Variants in LYRM4 observed in about 807,000 individuals in gnomAD.
LYRM4 encodes the protein LYR motif-containing protein 4.
A neutral mutation model predicts 11.7 loss-of-function variants in LYRM4; 9 were observed. The observed-to-expected ratio is 0.77, with a 90% CI of 0.46 to 1.34. The LOEUF (loss-of-function observed/expected upper bound fraction) is 1.34. Among genes scored for constraint, LYRM4 ranks in the 40% most tolerant of loss-of-function variants. The pLI, the probability that LYRM4 is intolerant of heterozygous loss-of-function variation, is 0.00. For synonymous variants in LYRM4, 42 were observed against 40.4 expected, an observed-to-expected ratio of 1.04 and a Z score of -0.15; for missense variants, 133 against 112.5, an observed-to-expected ratio of 1.18 and a Z score of -0.82.
At chr6:5,251,742 T>C (rs1389143499) in intron 1 of LYRM4, among the ~76,000 whole-genome samples, 3 of 152,186 alleles carry the variant, frequency 2.0e-5, no homozygotes, top group East Asian at 1.9e-4. Context: ...AACTGTATCA[T>C]TGCATGCTAG....
At chr6:5,111,123 T>C (rs1454086971) in intron 2 of LYRM4, among the ~76,000 whole-genome samples, 1 of 152,158 alleles carries the variant, frequency 6.6e-6, no homozygotes, top group East Asian at 1.9e-4. Flanking sequence ...GAATAGTACA[T>C]GGTTTTGTTT....
At chr6:5,197,899 C>T (rs1252369316) in intron 2 of LYRM4, among the ~76,000 whole-genome samples, 6 of 151,508 alleles carry the variant, frequency 4.0e-5, no homozygotes, top group East Asian at 1.9e-4. Context: ...GCGCCGGGTG[C>T]GGTGGCTCAC....
At chr6:5,251,462 G>A (rs1764424361) in intron 1 of LYRM4, among the ~76,000 whole-genome samples, 1 of 152,202 alleles carries the variant, frequency 6.6e-6, no homozygotes, top group South Asian at 2.1e-4. Flanking sequence ...GAGGCCTCAG[G>A]AAGCTTACAA....
chr6:5,186,056 T>G (rs146714743), intron 2 of LYRM4, among the ~76,000 whole-genome samples: 127 of 152,266 alleles, frequency 8.3e-4, no homozygotes, highest in Admixed American at 1.8e-3. Context: ...TGGGTATCTG[T>G]GCAGGAGCTG....
the LYRM4 span, among the ~76,000 whole-genome samples, chr6:5,044,989 A>G: frequency 1.3e-5 from 2 of 152,198 alleles, no homozygotes; most frequent in African/African-American, 4.8e-5. Context: ...GCTGGACCTC[A>G]TGCACTCACA....
chr6:5,118,094 A>ATATTTTT, intron 2 of LYRM4, among the ~76,000 whole-genome samples: 33 of 86,126 alleles, frequency 3.8e-4, no homozygotes, highest in African/African-American at 1.2e-3. Context: ...ATATATATAT[A>ATATTTTT]TTTTTGTTTT....
chr6:5,104,450 T>A (rs1451906702), downstream of LYRM4: 2 of 151,808 alleles, frequency 1.3e-5, no homozygotes, highest in East Asian at 3.8e-4. Context: ...AATTTTTGTA[T>A]TTTCTGTATA....
At chr6:5,198,770 TC>T (rs1303476514) in intron 2 of LYRM4, among the ~76,000 whole-genome samples, 1 of 152,206 alleles carries the variant, frequency 6.6e-6, no homozygotes, top group Non-Finnish European at 1.5e-5. Context: ...CTCCCTGCTG[TC>T]TTAACCTTCC....
intron 2 of LYRM4, among the ~76,000 whole-genome samples, chr6:5,183,492 T>C (rs944347164): frequency 3.3e-5 from 5 of 152,210 alleles, no homozygotes; most frequent in African/African-American, 9.7e-5. Context: ...AGGTTTCCTA[T>C]TCAAAAGGAA....
chr6:5,248,290 G>A (rs1478562825), intron 1 of LYRM4, among the ~76,000 whole-genome samples: 3 of 152,188 alleles, frequency 2.0e-5, no homozygotes, highest in Non-Finnish European at 4.4e-5. Flanking sequence ...TCACATTGCT[G>A]TAGCCAGGCC....
the LYRM4 span, among the ~76,000 whole-genome samples, chr6:5,084,373 C>T: frequency 2.1e-4 from 32 of 152,286 alleles, no homozygotes; most frequent in East Asian, 4.7e-3. Flanking sequence ...CGCAGTCCGG[C>T]GCGGGCCACG....
At chr6:5,250,566 G>A (rs1471085839) in intron 1 of LYRM4, among the ~76,000 whole-genome samples, 1 of 152,138 alleles carries the variant, frequency 6.6e-6, no homozygotes, top group African/African-American at 2.4e-5. Context: ...TAACAATAAT[G>A]AATAATCTTT....
intron 2 of LYRM4, among the ~76,000 whole-genome samples, chr6:5,156,328 G>T (rs989997672): frequency 6.6e-6 from 1 of 152,246 alleles, no homozygotes; most frequent in Non-Finnish European, 1.5e-5. Flanking sequence ...GAGGTGCTGG[G>T]ACCACAGGTG....
intron 2 of LYRM4, among the ~76,000 whole-genome samples, chr6:5,193,676 T>C (rs1033968783): frequency 3.9e-5 from 6 of 152,222 alleles, no homozygotes; most frequent in African/African-American, 1.4e-4. Context: ...AGAGACCATG[T>C]TGATGGCTGA....
At chr6:5,100,169 A>G (rs943553957), downstream of LYRM4, among the ~76,000 whole-genome samples, 1 of 152,176 alleles carries the variant, frequency 6.6e-6, no homozygotes, top group Admixed American at 6.5e-5. Context: ...ATATTTCAAT[A>G]AAACCCAGCA....
intron 1 of LYRM4, among the ~76,000 whole-genome samples, chr6:5,243,494 TAAA>T (rs1297108143): frequency 6.6e-6 from 1 of 152,190 alleles, no homozygotes; most frequent in African/African-American, 2.4e-5. Flanking sequence ...CCTCCATTCT[TAAA>T]GAAGAAGAAA....
the LYRM4 span, among the ~76,000 whole-genome samples, chr6:5,076,392 C>G: frequency 6.6e-6 from 1 of 152,194 alleles, no homozygotes. Context: ...GACCTTGAGC[C>G]AAATCCTGGC....
the LYRM4 span, among the ~76,000 whole-genome samples, chr6:5,058,939 G>T: frequency 0.26 from 40,296 of 152,090 alleles, 5,526 homozygotes; most frequent in Middle Eastern, 0.33. Flanking sequence ...TGACGAAAAT[G>T]GAAAGAGATG....
At chr6:5,190,927 G>A (rs992312402) in intron 2 of LYRM4, among the ~76,000 whole-genome samples, 1 of 152,166 alleles carries the variant, frequency 6.6e-6, no homozygotes, top group East Asian at 1.9e-4. Flanking sequence ...CCTATTTCTG[G>A]GGAAAGGGTG....
Sources: gnomAD v4.1 joint callset for allele counts (sites outside exome capture counted in the v4.1 genomes callset) on GRCh38, gnomAD v4.1.1 for gene constraint, MANE v1.5 for transcripts, NCBI Gene and HGNC (gene_info 2026-07-23, HGNC 2026-07-21) for gene names.